MTMR12: variants seen among roughly 807,000 people sequenced by gnomAD.
The protein encoded by MTMR12 is myotubularin-related protein 12.
In MTMR12, 33 loss-of-function variants were observed where a neutral mutation model predicts 96.7. That is an observed-to-expected ratio of 0.34 (90% confidence interval 0.26 to 0.46). The LOEUF is 0.46. MTMR12 is among the 20% of genes least tolerant of loss of function. MTMR12 has a pLI of 1.00. For synonymous variants in MTMR12, 298 were observed against 327.2 expected (o/e 0.91, Z 0.96); for missense variants, 721 against 896.1 (o/e 0.80, Z 2.49).
rs1168694123 is a variant in MTMR12, at chr5:32,239,039, C to G, written c.1306G>C (p.Asp436His). The G allele has an allele frequency of 6.2e-7, 1 of 1,607,846 alleles. No homozygotes were observed. The highest frequency in any genetic ancestry group is 8.5e-7 in the Non-Finnish European group (1 of 1,176,766). ...TTCTGGCGGAGATGGTTGCAGCGAT[C>G]CAAGAAACAGTGGCCACCCATGACC... is the stretch of plus-strand genomic sequence containing the variant. Reference protein sequence around the residue: ...EWVMGGHCFLDRCNHLRQNDK... With the variant: ...EWVMGGHCFLHRCNHLRQNDK... Residue 436 changes from aspartate (D) to histidine (H), a missense_variant, in exon 13 of 16, where the codon GAT (aspartate) becomes CAT (histidine). By Grantham distance (81) the Asp-to-His change is moderately conservative (BLOSUM62 -1). Coordinates refer to ENST00000382142, the MANE Select transcript of MTMR12 (RefSeq NM_001040446.3).
intron 9 of MTMR12, 119 bp downstream of exon 9, chr5:32,248,653 T>C (rs1748791128): frequency 5.5e-6 from 4 of 724,246 alleles, no homozygotes; most frequent in Middle Eastern, 2.6e-4. Flanking sequence ...TGTTAAGTTG[T>C]ATTCCCCTAG....
intron 11 of MTMR12, among the ~76,000 whole-genome samples, chr5:32,243,280 T>G (rs1748549838): frequency 1.3e-5 from 2 of 152,230 alleles, no homozygotes; most frequent in Non-Finnish European, 2.9e-5. Flanking sequence ...GTCACACTCT[T>G]TCTGTGTTTT....
At chr5:32,305,903 C>CA (rs911245902) in intron 1 of MTMR12, among the ~76,000 whole-genome samples, 2,719 of 111,562 alleles carry the variant, frequency 0.024, 40 homozygotes, top group East Asian at 0.088. Context: ...AACTCCGTCT[C>CA]AAAAAAAAAA....
chr5:32,232,873 G>T, intron 15 of MTMR12: 1 of 832,898 alleles, frequency 1.2e-6, no homozygotes, highest in Non-Finnish European at 1.4e-6. Flanking sequence ...TCTGACACCA[G>T]AAAGGGCCAG....
intron 1 of MTMR12, among the ~76,000 whole-genome samples, chr5:32,300,320 C>T (rs976385017): frequency 2.6e-5 from 4 of 152,136 alleles, no homozygotes; most frequent in African/African-American, 9.7e-5. Flanking sequence ...AGGGAAGACA[C>T]CTATTCACGT....
chr5:32,235,448 CA>C, intron 13 of MTMR12, among the ~76,000 whole-genome samples: 1 of 152,214 alleles, frequency 6.6e-6, no homozygotes, highest in South Asian at 2.1e-4. Flanking sequence ...CCCAATTAAG[CA>C]AAATATTATC....
rs762715051 is a variant in MTMR12, at chr5:32,255,693, T to C, written c.789A>G (p.Pro263=). The change falls in exon 8 of 16, where the codon CCA becomes CCG. Residue 263 remains proline, a splice_region_variant and synonymous_variant. Transcript: ENST00000382142. ...NVQRFQGHGI[P]IWCWSCHNGS... ...TTTCAGGGTTCCCAGATGCACTTAC[T>C]GGTATGCCATGACCCTGAAAGCGCT... 3.7e-6 allele frequency: 6 copies of C among 1,609,478 alleles called. No individual in the cohort carries two copies. The Admixed American group carries it at 1.0e-4, about 27-fold the overall frequency.
chr5:32,268,714 T>G lies in MTMR12; in HGVS notation c.570A>C (p.Ala190=). The change falls in exon 6 of 16, where the codon GCA becomes GCC. Residue 190 remains alanine (A), a synonymous_variant. Coordinates refer to ENST00000382142, the MANE Select transcript of MTMR12 (RefSeq NM_001040446.3). The part of the protein sequence containing the change: ...RLFLFSYATA[A]QNNTVTDPKN... ...GAAGATATTTACCTGTATTGTTTTG[T>G]GCAGCAGTCGCATAGGAAAACAGAA... The G allele has an allele frequency of 6.2e-7, 1 of 1,613,570 alleles. No homozygotes were observed. The highest frequency in any genetic ancestry group is 1.1e-5 in the South Asian group (1 of 91,068).
chr5:32,255,666 C>T (rs765116483), intron 8 of MTMR12, 27 bp downstream of exon 8: 2 of 1,584,178 alleles, frequency 1.3e-6, no homozygotes, highest in Admixed American at 1.8e-5. Context: ...ACAACCCACA[C>T]CTTTCAGGGT....
chr5:32,285,124 G>A (rs1419884098), intron 1 of MTMR12, among the ~76,000 whole-genome samples: 5 of 152,024 alleles, frequency 3.3e-5, no homozygotes, highest in East Asian at 1.9e-4. Flanking sequence ...TTGGGAGGCC[G>A]AGGTAGGTGG....
intron 14 of MTMR12, chr5:32,234,713 T>A (rs779916179): frequency 2.2e-5 from 7 of 311,940 alleles, no homozygotes; most frequent in African/African-American, 8.4e-5. Context: ...TATTAATACC[T>A]AAGAAGCTCT....
At chr5:32,248,668 A>T in intron 9 of MTMR12, 104 bp downstream of exon 9, 2 of 822,676 alleles carry the variant, frequency 2.4e-6, no homozygotes, top group Non-Finnish European at 4.1e-6. Flanking sequence ...CCCTAGCATT[A>T]AGCTACCAGT....
Position 32,237,355 on chromosome 5 carries a change from C to T in MTMR12, c.1344+1646G>A, listed in dbSNP as rs369277725. Among the ~76,000 whole-genome samples the T allele has an allele frequency of 4.6e-5, 7 of 152,292 alleles. No homozygotes were observed. In the South Asian group the frequency reaches 6.2e-4, roughly 14 times the overall value. On this transcript the variant is annotated intron_variant, in intron 13 of 15. Transcript: ENST00000382142. ...CCACAATCTGGGGGACTCATTTTCA[C>T]CAGGTGACCTAAAATGCTAACTCTC...
Position 32,285,989 on chromosome 5 carries a change from C to T in MTMR12, c.82-9247G>A, listed in dbSNP as rs550133564. ...CAAAATGACCCATCTCTAATATATA[C>T]CAATTCATTTCAACAAATAGCTCCT... is the stretch of plus-strand genomic sequence containing the variant. On this transcript the variant is annotated intron_variant, in intron 1 of 15. Transcript: ENST00000382142. 2.1e-4 allele frequency among the ~76,000 whole-genome samples: 32 copies of T among 152,228 alleles called. No homozygotes were observed. The South Asian group carries it at 6.4e-3, about 31-fold the overall frequency.
At chr5:32,247,693 A>G (rs1748745842) in intron 10 of MTMR12, 1 of 935,820 alleles carries the variant, frequency 1.1e-6, no homozygotes, top group Non-Finnish European at 1.3e-6. Context: ...AATACTACAT[A>G]GTTCAAAAAC....
At chr5:32,302,137 C>T (rs1158908134) in intron 1 of MTMR12, among the ~76,000 whole-genome samples, 3 of 152,098 alleles carry the variant, frequency 2.0e-5, no homozygotes, top group African/African-American at 7.2e-5. Context: ...TTTTGCATGC[C>T]ACCTCTGAAA....
At position 32,243,561 on chromosome 5, in the gene MTMR12, AC is replaced by A; in HGVS notation, c.1059del (p.Trp353CysfsTer13). 1 of 1,612,414 alleles carries A rather than the reference AC, an allele frequency of 6.2e-7. No individual in the cohort carries two copies. The highest frequency in any genetic ancestry group is 8.5e-7 in the Non-Finnish European group (1 of 1,178,700). On this transcript the variant is annotated frameshift_variant, in exon 11 of 16. Transcript: ENST00000382142. LOFTEE classifies it high-confidence loss of function. ...STEFWDTDIK[W>X]FSLLESSSWL... Reference sequence around the variant, plus strand: ...CAGCTGCTACTTTCCAACAGAGAAAACCATTTTATATCTGTGTCCCAAAATT... The same window carrying A: ...CAGCTGCTACTTTCCAACAGAGAAAACATTTTATATCTGTGTCCCAAAATT...
At chr5:32,306,322 A>G (rs1477851053) in intron 1 of MTMR12, among the ~76,000 whole-genome samples, 1 of 152,166 alleles carries the variant, frequency 6.6e-6, no homozygotes, top group Non-Finnish European at 1.5e-5. Context: ...CCTTCATGAA[A>G]CTTGTTGAAA....
chr5:32,293,205 T>C (rs998471270), intron 1 of MTMR12, among the ~76,000 whole-genome samples: 2 of 152,182 alleles, frequency 1.3e-5, no homozygotes, highest in South Asian at 2.1e-4. Context: ...CTTGATTGAA[T>C]TGAAGGATAC....
Sources: gnomAD v4.1 joint callset for allele counts (sites outside exome capture counted in the v4.1 genomes callset) on GRCh38, gnomAD v4.1.1 for gene constraint, MANE v1.5 for transcripts, NCBI Gene and HGNC (gene_info 2026-07-23, HGNC 2026-07-21) for gene names.